RNLS: variants seen among roughly 807,000 people sequenced by gnomAD.
RNLS encodes renalase.
Under a neutral mutation model 39.8 loss-of-function variants are expected in RNLS, and 39 were observed. The ratio of observed to expected loss-of-function variants is 0.98; its 90% CI spans 0.76 to 1.28. The LOEUF (loss-of-function observed/expected upper bound fraction) is 1.28, where lower values mean the gene tolerates loss of function less well. Among genes scored for constraint, RNLS ranks in the 50% most tolerant of loss-of-function variants. The probability of loss-of-function intolerance (pLI) is 0.00; values close to 1 mark genes in which losing one functional copy is unlikely to be tolerated. For missense variants in RNLS, 410 were observed against 413.3 expected (o/e 0.99, Z 0.07); for synonymous variants, 147 against 150.7 (o/e 0.98, Z 0.18).
At chr10:88,576,546 A>G (rs541944300) in intron 3 of RNLS, among the ~76,000 whole-genome samples, 7 of 152,306 alleles carry the variant, frequency 4.6e-5, no homozygotes, top group South Asian at 2.1e-4. Flanking sequence ...ACCATCTCTA[A>G]CTGACTACAC....
chr10:88,237,049 G>A, the RNLS span, among the ~76,000 whole-genome samples: 3 of 152,254 alleles, frequency 2.0e-5, no homozygotes, highest in African/African-American at 7.2e-5. Flanking sequence ...GTCAGATCAA[G>A]TTGGATAAAG....
At chr10:88,312,217 A>C (rs1444902615) in intron 6 of RNLS, among the ~76,000 whole-genome samples, 1 of 152,246 alleles carries the variant, frequency 6.6e-6, no homozygotes, top group African/African-American at 2.4e-5. Context: ...AGGTGGGCCC[A>C]ATGTCATCAC....
chr10:88,246,135 C>G, the RNLS span, among the ~76,000 whole-genome samples: 3 of 152,184 alleles, frequency 2.0e-5, no homozygotes, highest in Admixed American at 2.0e-4. Flanking sequence ...TCCGGGACTT[C>G]AGGTCTGCAG....
chr10:88,204,158 G>C, the RNLS span, among the ~76,000 whole-genome samples: 1 of 152,034 alleles, frequency 6.6e-6, no homozygotes, highest in Non-Finnish European at 1.5e-5. Flanking sequence ...TCTGTGCTTG[G>C]GCTGGAGCAC....
chr10:88,505,095 T>G (rs986663046), intron 4 of RNLS, among the ~76,000 whole-genome samples: 4 of 151,870 alleles, frequency 2.6e-5, no homozygotes. Context: ...AACCCAGATA[T>G]TGGCTTCTAA....
At chr10:88,438,363 A>G (rs1418349057) in intron 4 of RNLS, among the ~76,000 whole-genome samples, 1 of 152,158 alleles carries the variant, frequency 6.6e-6, no homozygotes, top group African/African-American at 2.4e-5. Flanking sequence ...CCCACTCCAG[A>G]CTTCTTGTTA....
intron 6 of RNLS, among the ~76,000 whole-genome samples, chr10:88,275,759 T>A (rs539933029): frequency 1.3e-5 from 2 of 152,226 alleles, no homozygotes; most frequent in Admixed American, 6.5e-5. Flanking sequence ...TTACTACAAT[T>A]AAAAAGACAT....
chr10:88,405,868 T>C (rs1853230957), intron 4 of RNLS, among the ~76,000 whole-genome samples: 1 of 152,126 alleles, frequency 6.6e-6, no homozygotes, highest in African/African-American at 2.4e-5. Context: ...TTTCCAGGAT[T>C]TGTTTTAAGA....
At chr10:88,542,005 T>C (rs1401006191) in intron 4 of RNLS, among the ~76,000 whole-genome samples, 1 of 152,112 alleles carries the variant, frequency 6.6e-6, no homozygotes, top group Admixed American at 6.6e-5. Context: ...AGGAGAGAGA[T>C]AAAAGACGCC....
At chr10:88,574,761 A>C (rs986834001) in intron 3 of RNLS, among the ~76,000 whole-genome samples, 10 of 152,126 alleles carry the variant, frequency 6.6e-5, no homozygotes, top group Admixed American at 6.5e-4. Context: ...ACAGTACTCC[A>C]TCTTGCCTGA....
chr10:88,381,707 T>A (rs1851508558), intron 4 of RNLS, among the ~76,000 whole-genome samples: 1 of 151,980 alleles, frequency 6.6e-6, no homozygotes, highest in African/African-American at 2.4e-5. Flanking sequence ...AAATTATATA[T>A]CACTTAAAAG....
chr10:88,204,742 A>C, the RNLS span, among the ~76,000 whole-genome samples: 2 of 152,184 alleles, frequency 1.3e-5, no homozygotes, highest in Non-Finnish European at 2.9e-5. Context: ...AATCCATCTG[A>C]TTCCAAATAG....
Position 88,581,633 on chromosome 10 carries a change from C to T in RNLS, c.301G>A (p.Gly101Arg). ...TGAGGTGCCACAAAGTTACAGTCTC[C>T]TTCTTTCATCACCATTCCTTCAATA... Reference protein sequence around the residue: ...SPIEGMVMKEGDCNFVAPQGI... With the variant: ...SPIEGMVMKERDCNFVAPQGI... Residue 101 changes from glycine (G) to arginine (R), a missense_variant, in exon 3 of 7, where the codon GGA becomes AGA. Gly to Arg is a moderately radical substitution (Grantham distance 125). Transcript: ENST00000331772. The T allele has an allele frequency of 6.2e-7, 1 of 1,607,348 alleles. No homozygotes were observed. The highest frequency in any genetic ancestry group is 8.5e-7 in the Non-Finnish European group (1 of 1,176,778).
chr10:88,242,946 A>AAAACAAACAAAC, the RNLS span, among the ~76,000 whole-genome samples: 392 of 149,772 alleles, frequency 2.6e-3, no homozygotes, highest in African/African-American at 6.8e-3. Context: ...AAACTCTGTC[A>AAAACAAACAAAC]AAACAAACAA....
the RNLS span, among the ~76,000 whole-genome samples, chr10:88,212,868 G>A: frequency 6.6e-6 from 1 of 152,178 alleles, no homozygotes; most frequent in Non-Finnish European, 1.5e-5. Flanking sequence ...TGTGCACTAG[G>A]CTGAATTAAT....
At chr10:88,503,821 T>C (rs1845635243) in intron 4 of RNLS, among the ~76,000 whole-genome samples, 1 of 152,182 alleles carries the variant, frequency 6.6e-6, no homozygotes, top group Non-Finnish European at 1.5e-5. Flanking sequence ...TTCTAGTTTA[T>C]AAAATATAGC....
the RNLS span, among the ~76,000 whole-genome samples, chr10:88,195,376 A>G: frequency 3.9e-5 from 6 of 152,192 alleles, no homozygotes; most frequent in Non-Finnish European, 8.8e-5. Context: ...GAACCTAGTG[A>G]GTGGATAGAC....
At chr10:88,254,228 G>A in the RNLS span, among the ~76,000 whole-genome samples, 1 of 152,324 alleles carries the variant, frequency 6.6e-6, no homozygotes, top group African/African-American at 2.4e-5. Context: ...TCCTGGCAAT[G>A]AAGCGAGCCC....
At chr10:88,567,454 A>T (rs190206834) in intron 4 of RNLS, among the ~76,000 whole-genome samples, 4 of 152,350 alleles carry the variant, frequency 2.6e-5, no homozygotes, top group African/African-American at 9.6e-5. Context: ...ATATTGGAGT[A>T]TGTAATTTAC....
Sources: allele counts gnomAD v4.1 joint callset (sites outside exome capture counted in the v4.1 genomes callset), GRCh38; gene constraint gnomAD v4.1.1; transcripts MANE v1.5; gene names NCBI Gene and HGNC (gene_info 2026-07-23, HGNC 2026-07-21).